TNFSF4: variants seen among roughly 807,000 people sequenced by gnomAD.
TNFSF4 encodes the protein TNF superfamily member 4.
Under a neutral mutation model 7.3 loss-of-function variants are expected in TNFSF4, and 4 were observed. The observed-to-expected ratio is 0.55, with a 90% CI of 0.27 to 1.25. The LOEUF (loss-of-function observed/expected upper bound fraction) is 1.25, where lower values mean the gene tolerates loss of function less well. TNFSF4 is among the 50% of genes most tolerant of loss of function. The pLI, the probability that TNFSF4 is intolerant of heterozygous loss-of-function variation, is 0.12. For missense variants in TNFSF4, 181 were observed against 208.8 expected, an observed-to-expected ratio of 0.87 and a Z score of 0.82; for synonymous variants, 76 against 83.7, an observed-to-expected ratio of 0.91 and a Z score of 0.50.
At chr1:173,399,829 A>G in the TNFSF4 span, among the ~76,000 whole-genome samples, 2 of 152,162 alleles carry the variant, frequency 1.3e-5, no homozygotes, top group African/African-American at 4.8e-5. Flanking sequence ...AGCAACATAG[A>G]CTTCCATCAA....
the TNFSF4 span, among the ~76,000 whole-genome samples, chr1:173,177,787 T>C: frequency 1.3e-5 from 2 of 152,084 alleles, no homozygotes; most frequent in African/African-American, 4.8e-5. Flanking sequence ...AAAAACAACT[T>C]GCATCAAATC....
At chr1:173,179,965 A>C (rs1649019221), downstream of TNFSF4, among the ~76,000 whole-genome samples, 1 of 152,104 alleles carries the variant, frequency 6.6e-6, no homozygotes, top group African/African-American at 2.4e-5. Context: ...GGTTTCTTCC[A>C]ATTTTCAGAC....
At chr1:173,440,286 C>A in the TNFSF4 span, among the ~76,000 whole-genome samples, 1 of 152,120 alleles carries the variant, frequency 6.6e-6, no homozygotes, top group Non-Finnish European at 1.5e-5. Context: ...ATGGGTTTCA[C>A]TTTTTCCAAG....
At chr1:173,285,450 G>T in the TNFSF4 span, among the ~76,000 whole-genome samples, 1 of 152,168 alleles carries the variant, frequency 6.6e-6, no homozygotes, top group Non-Finnish European at 1.5e-5. Context: ...CAGCAGCAAG[G>T]TTTGAGAGGA....
At chr1:173,373,940 A>C in the TNFSF4 span, among the ~76,000 whole-genome samples, 1 of 152,194 alleles carries the variant, frequency 6.6e-6, no homozygotes, top group Admixed American at 6.5e-5. Context: ...CAACTCAGGG[A>C]ATTTCCAGGG....
chr1:173,403,939 G>GTGTT, the TNFSF4 span, among the ~76,000 whole-genome samples: 1 of 151,438 alleles, frequency 6.6e-6, no homozygotes, highest in Non-Finnish European at 1.5e-5. Context: ...TTTTCATTTT[G>GTGTT]TGTTTGTTTG....
the TNFSF4 span, among the ~76,000 whole-genome samples, chr1:173,426,621 G>T: frequency 4.0e-4 from 60 of 151,888 alleles, no homozygotes; most frequent in African/African-American, 1.3e-3. Context: ...TTTGAGACAG[G>T]GTCTTGCTCT....
At chr1:173,264,072 C>A in the TNFSF4 span, among the ~76,000 whole-genome samples, 3 of 152,106 alleles carry the variant, frequency 2.0e-5, no homozygotes, top group Non-Finnish European at 4.4e-5. Context: ...TATAACAAAC[C>A]CCAATGATAC....
chr1:173,324,339 GC>G, the TNFSF4 span, among the ~76,000 whole-genome samples: 1 of 152,284 alleles, frequency 6.6e-6, no homozygotes, highest in African/African-American at 2.4e-5. Context: ...CACCAGGCCT[GC>G]CCTAAGAGAG....
At chr1:173,275,653 T>C in the TNFSF4 span, among the ~76,000 whole-genome samples, 113 of 152,180 alleles carry the variant, frequency 7.4e-4, 1 homozygote, top group South Asian at 1.9e-3. Context: ...GAGAGGGAAG[T>C]TAATGCCGGC....
the TNFSF4 span, among the ~76,000 whole-genome samples, chr1:173,331,216 A>AAGAT: frequency 1.3e-5 from 2 of 152,168 alleles, no homozygotes; most frequent in African/African-American, 4.8e-5. Context: ...CAGAAAGTAA[A>AAGAT]AGATGTATAG....
chr1:173,442,536 T>C, the TNFSF4 span, among the ~76,000 whole-genome samples: 1 of 145,064 alleles, frequency 6.9e-6, no homozygotes, highest in Non-Finnish European at 1.5e-5. Context: ...TTTTTGGTTT[T>C]TCGTTTTTGT....
chr1:173,291,253 T>A, the TNFSF4 span, among the ~76,000 whole-genome samples: 251 of 152,074 alleles, frequency 1.7e-3, 1 homozygote, highest in African/African-American at 5.7e-3. Flanking sequence ...AACAACCAGA[T>A]CTCATGAGCA....
chr1:173,404,706 A>G, the TNFSF4 span, among the ~76,000 whole-genome samples: 1 of 150,006 alleles, frequency 6.7e-6, no homozygotes, highest in Non-Finnish European at 1.5e-5. Flanking sequence ...ATCTCAGCTC[A>G]CTTCAACCTC....
At chr1:173,411,378 T>G in the TNFSF4 span, among the ~76,000 whole-genome samples, 3 of 152,224 alleles carry the variant, frequency 2.0e-5, no homozygotes, top group Admixed American at 2.0e-4. Context: ...TTATTTTTCA[T>G]GTCTTCACCT....
chr1:173,259,620 A>T, the TNFSF4 span, among the ~76,000 whole-genome samples: 1 of 152,212 alleles, frequency 6.6e-6, no homozygotes, highest in African/African-American at 2.4e-5. Flanking sequence ...GGAGATGATA[A>T]CCAGAATAAC....
the TNFSF4 span, among the ~76,000 whole-genome samples, chr1:173,450,539 A>G: frequency 6.6e-6 from 1 of 151,876 alleles, no homozygotes; most frequent in South Asian, 2.1e-4. Context: ...ATCAAATTGA[A>G]TCCAAAAATA....
chr1:173,328,601 G>C, the TNFSF4 span, among the ~76,000 whole-genome samples: 1 of 150,894 alleles, frequency 6.6e-6, no homozygotes, highest in African/African-American at 2.4e-5. Context: ...GTTGATAGGT[G>C]CAGCAAACCA....
chr1:173,271,262 G>A, the TNFSF4 span, among the ~76,000 whole-genome samples: 9 of 152,074 alleles, frequency 5.9e-5, no homozygotes, highest in African/African-American at 2.2e-4. Context: ...TTTTCTTCTA[G>A]GGTTTTTATG....
Sources: allele counts gnomAD v4.1 joint callset (sites outside exome capture counted in the v4.1 genomes callset), GRCh38; gene constraint gnomAD v4.1.1; transcripts MANE v1.5; gene names NCBI Gene and HGNC (gene_info 2026-07-23, HGNC 2026-07-21).